Variants in CNBP observed in about 807,000 individuals in gnomAD.
CNBP encodes the protein CCHC-type zinc finger nucleic acid binding protein.
Under a neutral mutation model 21.2 loss-of-function variants are expected in CNBP, and 6 were observed. The observed-to-expected ratio is 0.28, with a 90% confidence interval of 0.16 to 0.56. The LOEUF (loss-of-function observed/expected upper bound fraction) is 0.56, where lower values mean the gene tolerates loss of function less well. CNBP is among the 20% of genes least tolerant of loss of function. CNBP has a pLI of 0.93. For synonymous variants in CNBP, 61 were observed against 74.9 expected, an observed-to-expected ratio of 0.81 and a Z score of 0.96; for missense variants, 112 against 233.1, an observed-to-expected ratio of 0.48 and a Z score of 3.38.
At position 129,168,822 on chromosome 3, in the gene CNBP, C is replaced by T. The variant is rs368154408; in HGVS notation, c.*1631G>A. On this transcript the variant is annotated 3_prime_UTR_variant, in exon 5 of 5. Coordinates refer to ENST00000422453, the MANE Select transcript of CNBP (RefSeq NM_003418.5). ...CTAAAAATACAAAAAATAGGCCGGG[C>T]GCGGTGGCTCACGCCTGTGATCCCA... Among the ~76,000 whole-genome samples the T allele has an allele frequency of 4.0e-5, 6 of 151,692 alleles. No homozygotes were observed. Among genetic ancestry groups the T allele is most frequent in the East Asian group, 1.9e-4 (1 of 5,168 alleles).
At position 129,168,339 on chromosome 3, in the gene CNBP, C is replaced by T. The variant is rs1020697528; in HGVS notation, c.*2114G>A. Among the ~76,000 whole-genome samples, 1 of 151,948 alleles carries T rather than the reference C, an allele frequency of 6.6e-6. No homozygotes were observed. The highest frequency in any genetic ancestry group is 1.5e-5 in the Non-Finnish European group (1 of 68,002). ...AACAAGGAATCCACCACTTCAGATC[C>T]TTATGAAACCCAGGAAAAGGTGGGG... On this transcript the variant is annotated 3_prime_UTR_variant, in exon 5 of 5. Coordinates refer to ENST00000422453, the MANE Select transcript of CNBP (RefSeq NM_003418.5).
intron 1 of CNBP, among the ~76,000 whole-genome samples, chr3:129,172,033 A>C (rs919458133): frequency 1.8e-4 from 28 of 151,576 alleles, no homozygotes; most frequent in African/African-American, 6.8e-4. Flanking sequence ...TAGCCCGGTG[A>C]AGTGGCAGGC....
intron 1 of CNBP, among the ~76,000 whole-genome samples, chr3:129,173,046 G>A (rs561679072): frequency 2.7e-4 from 41 of 152,178 alleles, no homozygotes; most frequent in Non-Finnish European, 4.9e-4. Flanking sequence ...ATCTCTAGAT[G>A]GTACAAGTAC....
intron 1 of CNBP, among the ~76,000 whole-genome samples, 197 bp from the exon 2 acceptor site, chr3:129,171,968 G>C (rs75131307): frequency 6.6e-6 from 1 of 151,844 alleles, no homozygotes; most frequent in South Asian, 2.1e-4. Flanking sequence ...TCATGAGATC[G>C]AGACCATCTT....
At chr3:129,181,032 G>A (rs897311667) in intron 1 of CNBP, among the ~76,000 whole-genome samples, 3 of 151,662 alleles carry the variant, frequency 2.0e-5, no homozygotes, top group Admixed American at 6.6e-5. Flanking sequence ...CTGAGGTCAG[G>A]AGATCAAGAC....
intron 1 of CNBP, among the ~76,000 whole-genome samples, chr3:129,176,537 T>TA (rs1937918707): frequency 2.6e-5 from 4 of 152,188 alleles, no homozygotes; most frequent in African/African-American, 9.7e-5. Flanking sequence ...CAGGTGTCTT[T>TA]AGCAATTTGG....
chr3:129,175,533 G>A (rs1428841455), intron 1 of CNBP, among the ~76,000 whole-genome samples: 1 of 149,268 alleles, frequency 6.7e-6, no homozygotes, highest in South Asian at 2.2e-4. Context: ...GGGTTCAAGC[G>A]ATTCCCCTGC....
At chr3:129,171,420 A>AT in intron 3 of CNBP, 26 bp downstream of exon 3, 1 of 1,606,102 alleles carries the variant, frequency 6.2e-7, no homozygotes, top group Non-Finnish European at 8.5e-7. Context: ...CTAGAGGGGT[A>AT]TGAAAAGGAA....
At chr3:129,177,246 T>C (rs1030345452) in intron 1 of CNBP, among the ~76,000 whole-genome samples, 8 of 152,248 alleles carry the variant, frequency 5.3e-5, no homozygotes, top group Non-Finnish European at 1.2e-4. Flanking sequence ...TGAAGGTTCC[T>C]TGGGTTTGTG....
chr3:129,171,366 G>T lies in CNBP; in HGVS notation c.217+80C>A, dbSNP rs139471480. ...AATTATACAATACAAAACCTCAAAG[G>T]TGGAAATGCTATACACAGTTGCATG... On this transcript the variant is annotated intron_variant, in intron 3 of 4. Coordinates refer to ENST00000422453, the MANE Select transcript of CNBP (RefSeq NM_003418.5). 6.9e-5 allele frequency: 110 copies of T among 1,595,368 alleles called. No homozygotes were observed. The African/African-American group carries it at 1.3e-3, about 19-fold the overall frequency.
chr3:129,170,174 A>C lies in CNBP; in HGVS notation c.*279T>G, dbSNP rs1455013034. ...AGGACGGGCTTACTGGTCTGACTCAACTCTTCCCATTCATCAATCCCTATT... is the reference window on the plus strand; with the variant it reads ...AGGACGGGCTTACTGGTCTGACTCACCTCTTCCCATTCATCAATCCCTATT... On this transcript the variant is annotated 3_prime_UTR_variant, in exon 5 of 5. Coordinates refer to ENST00000422453, the MANE Select transcript of CNBP (RefSeq NM_003418.5). 2.5e-6 allele frequency: 1 copy of C among 392,266 alleles called. No homozygotes were observed. Among genetic ancestry groups the C allele is most frequent in the South Asian group, 4.4e-5 (1 of 22,576 alleles). The allele number at this position is 392,266 out of a possible 1,614,324, so 24.3% of individuals were successfully genotyped here.
At chr3:129,182,591 T>C (rs973159356) in intron 1 of CNBP, among the ~76,000 whole-genome samples, 33 of 152,320 alleles carry the variant, frequency 2.2e-4, no homozygotes, top group Admixed American at 1.5e-3. Flanking sequence ...GGGGAGCTAG[T>C]TGAATTTCGT....
rs561283051 is a variant in CNBP at position 129,169,235 on chromosome 3, A to G, written c.*1218T>C. Among the ~76,000 whole-genome samples the G allele has an allele frequency of 9.8e-4, 150 of 152,324 alleles. No homozygotes were observed. Among genetic ancestry groups the G allele is most frequent in the African/African-American group, 3.4e-3 (142 of 41,582 alleles). ...CTTGAACCCGGGAGGTGGAGGTTGC[A>G]GTGAGCCAAGCCTGCACTCCAGCCT... is the stretch of plus-strand genomic sequence containing the variant. On this transcript the variant is annotated 3_prime_UTR_variant, in exon 5 of 5. Transcript: ENST00000422453.
Position 129,169,248 on chromosome 3 carries a change from T to C in CNBP, c.*1205A>G, listed in dbSNP as rs1342209557. ...GGTGGAGGTTGCAGTGAGCCAAGCC[T>C]GCACTCCAGCCTGGGCGACAAGAGT... is the stretch of plus-strand genomic sequence containing the variant. On this transcript the variant is annotated 3_prime_UTR_variant, in exon 5 of 5. Coordinates refer to ENST00000422453, the MANE Select transcript of CNBP (RefSeq NM_003418.5). Among the ~76,000 whole-genome samples, 1 of 152,154 alleles carries C rather than the reference T, an allele frequency of 6.6e-6. No homozygotes were observed. The highest frequency in any genetic ancestry group is 1.5e-5 in the Non-Finnish European group (1 of 68,030).
chr3:129,176,182 A>AT (rs1937895136), intron 1 of CNBP, among the ~76,000 whole-genome samples: 1 of 152,168 alleles, frequency 6.6e-6, no homozygotes, highest in Non-Finnish European at 1.5e-5. Context: ...TCATGGCTCC[A>AT]TGAGTCTGTC....
intron 1 of CNBP, among the ~76,000 whole-genome samples, chr3:129,180,635 CAGG>C (rs1467198337): frequency 2.6e-5 from 4 of 152,208 alleles, no homozygotes; most frequent in African/African-American, 7.2e-5. Flanking sequence ...ACTGCCAGAA[CAGG>C]AGTTCTATTA....
chr3:129,169,825 T>G lies in CNBP; in HGVS notation c.*628A>C, dbSNP rs1447885866. ...TTTACTCTGGGTTTTAGATTTAGTC[T>G]TTGAAAATAATGTGTTCTAAACCTT... On this transcript the variant is annotated 3_prime_UTR_variant, in exon 5 of 5. Transcript: ENST00000422453. 8.8e-6 allele frequency: 2 copies of G among 226,666 alleles called. No individual in the cohort carries two copies. The highest frequency in any genetic ancestry group is 4.4e-5 in the African/African-American group (2 of 44,994). The allele number at this position is 226,666 out of a possible 1,614,324, so 14.0% of individuals were successfully genotyped here.
chr3:129,176,087 A>T (rs1016862246), intron 1 of CNBP, among the ~76,000 whole-genome samples: 2 of 152,190 alleles, frequency 1.3e-5, no homozygotes, highest in East Asian at 3.9e-4. Flanking sequence ...CACTCATCTC[A>T]TATGAACATT....
At position 129,170,562 on chromosome 3, in the gene CNBP, T is replaced by C; in HGVS notation, c.425A>G (p.Glu142Gly). ...GCAGTTGATGGCTACATGACCAGTT[T>C]CACCACACCTAAAAAAGAAATTAAA... ...CTKVKCYRCG[E>G]TGHVAINCSK... Residue 142 changes from glutamate (E) to glycine (G), a missense_variant, in exon 5 of 5, where the codon GAA becomes GGA. By Grantham distance (98) the Glu-to-Gly change is moderately conservative. Coordinates refer to ENST00000422453, the MANE Select transcript of CNBP (RefSeq NM_003418.5). 1 of 1,613,798 alleles carries C rather than the reference T, an allele frequency of 6.2e-7. No individual in the cohort carries two copies. The highest frequency in any genetic ancestry group is 1.3e-5 in the African/African-American group (1 of 75,012).
Sources: gnomAD v4.1 joint callset for allele counts (sites outside exome capture counted in the v4.1 genomes callset) on GRCh38, gnomAD v4.1.1 for gene constraint, MANE v1.5 for transcripts, NCBI Gene and HGNC (gene_info 2026-07-23, HGNC 2026-07-21) for gene names.